Variants in MACROD2 observed in about 807,000 individuals in gnomAD.
MACROD2 encodes mono-ADP ribosylhydrolase 2, also known as ADP-ribose glycohydrolase MACROD2.
MACROD2 carries 36 observed loss-of-function variants against 70.4 expected under a neutral mutation model. The observed-to-expected ratio is 0.51, with a 90% CI of 0.39 to 0.68. The LOEUF (loss-of-function observed/expected upper bound fraction) is 0.68. Among genes scored for constraint, MACROD2 ranks in the 30% least tolerant of loss-of-function variants. MACROD2 has a pLI of 0.00. For missense variants in MACROD2, 496 were observed against 538.4 expected, an observed-to-expected ratio of 0.92 and a Z score of 0.78; for synonymous variants, 172 against 178.8, an observed-to-expected ratio of 0.96 and a Z score of 0.30.
At chr20:14,372,010 G>A (rs921493084) in intron 3 of MACROD2, among the ~76,000 whole-genome samples, 1 of 151,906 alleles carries the variant, frequency 6.6e-6, no homozygotes, top group Non-Finnish European at 1.5e-5. Flanking sequence ...TGACTTCTTT[G>A]TGATTATTTG....
intron 5 of MACROD2, among the ~76,000 whole-genome samples, chr20:14,828,895 T>G (rs751641493): frequency 1.4e-4 from 22 of 151,934 alleles, no homozygotes; most frequent in Non-Finnish European, 2.5e-4. Flanking sequence ...TTTCCACTTC[T>G]CTTCCCCTTT....
intron 3 of MACROD2, among the ~76,000 whole-genome samples, chr20:14,444,019 T>C (rs565362331): frequency 2.2e-4 from 33 of 152,308 alleles, no homozygotes; most frequent in East Asian, 1.7e-3. Context: ...TTAAGTAATT[T>C]AGTTAAAACC....
intron 2 of MACROD2, among the ~76,000 whole-genome samples, chr20:14,024,856 G>A (rs550172114): frequency 7.9e-5 from 12 of 152,232 alleles, no homozygotes; most frequent in African/African-American, 2.4e-4. Flanking sequence ...TCTCTGCCAG[G>A]TTTTGGTATC....
chr20:14,553,143 CTTATT>C (rs1183318274), intron 4 of MACROD2, among the ~76,000 whole-genome samples: 2 of 151,380 alleles, frequency 1.3e-5, no homozygotes, highest in Non-Finnish European at 2.9e-5. Context: ...TCTTTATATC[CTTATT>C]TTATAAGCTT....
chr20:15,591,431 C>G (rs1430938728), intron 8 of MACROD2, among the ~76,000 whole-genome samples: 1 of 152,032 alleles, frequency 6.6e-6, no homozygotes, highest in Non-Finnish European at 1.5e-5. Context: ...ATGACAAGAA[C>G]CTGACATGAC....
At chr20:14,371,933 C>CG (rs1273944219) in intron 3 of MACROD2, among the ~76,000 whole-genome samples, 2 of 151,924 alleles carry the variant, frequency 1.3e-5, no homozygotes, top group African/African-American at 2.4e-5. Flanking sequence ...TTAGCTCCCC[C>CG]CAACCCCTCT....
intron 8 of MACROD2, among the ~76,000 whole-genome samples, chr20:15,615,768 C>G (rs1411802782): frequency 2.0e-5 from 3 of 152,130 alleles, no homozygotes; most frequent in Non-Finnish European, 4.4e-5. Flanking sequence ...TGCCAGATGA[C>G]AGTTGCAAAA....
At chr20:15,270,960 G>A (rs762685638) in intron 6 of MACROD2, among the ~76,000 whole-genome samples, 1 of 152,008 alleles carries the variant, frequency 6.6e-6, no homozygotes, top group African/African-American at 2.4e-5. Context: ...TTTCACTACT[G>A]TGTCTTACAA....
intron 6 of MACROD2, among the ~76,000 whole-genome samples, chr20:15,266,793 C>T (rs369352259): frequency 2.0e-5 from 3 of 152,178 alleles, no homozygotes; most frequent in Admixed American, 2.0e-4. Flanking sequence ...CCACTTTTGT[C>T]CCCATCCTCT....
intron 8 of MACROD2, among the ~76,000 whole-genome samples, chr20:15,732,319 C>T (rs2050956282): frequency 6.6e-6 from 1 of 152,158 alleles, no homozygotes; most frequent in Middle Eastern, 3.2e-3. Flanking sequence ...CATTTCCTGG[C>T]ATCTTCCCAG....
At chr20:15,720,987 T>C (rs1568992402) in intron 8 of MACROD2, among the ~76,000 whole-genome samples, 1 of 152,198 alleles carries the variant, frequency 6.6e-6, no homozygotes, top group Non-Finnish European at 1.5e-5. Flanking sequence ...CACTGAACTT[T>C]GGTCAGATAT....
chr20:14,226,008 A>G (rs541017213), intron 3 of MACROD2, among the ~76,000 whole-genome samples: 1 of 152,226 alleles, frequency 6.6e-6, no homozygotes, highest in South Asian at 2.1e-4. Context: ...GTGAGAGGGA[A>G]GTTGGTAGAA....
At chr20:14,071,880 G>C (rs7265848) in intron 2 of MACROD2, among the ~76,000 whole-genome samples, 7 of 151,794 alleles carry the variant, frequency 4.6e-5, no homozygotes, top group African/African-American at 1.7e-4. Context: ...GACCAGCCTG[G>C]GCAACTTAGT....
chr20:14,749,813 G>A (rs1284890364), intron 5 of MACROD2, among the ~76,000 whole-genome samples: 1 of 152,096 alleles, frequency 6.6e-6, no homozygotes, highest in Non-Finnish European at 1.5e-5. Context: ...ATAGAAAGTG[G>A]TACCTTGGGG....
chr20:15,943,680 A>G (rs2065781488), intron 12 of MACROD2, among the ~76,000 whole-genome samples: 1 of 152,102 alleles, frequency 6.6e-6, no homozygotes, highest in Non-Finnish European at 1.5e-5. Context: ...AGAAGGAGAG[A>G]GGAAAAGGGT....
rs557947294 is a variant in MACROD2, at chr20:14,692,439, T to C, written c.418+7480T>C. The stretch of plus-strand genomic sequence containing the variant: ...TTGTTTATTTGTTTATTACCTGTCT[T>C]TTTAGACAAAATAACATTTTAAGAA... On this transcript the variant is annotated intron_variant, in intron 5 of 17. Transcript: ENST00000684519. 3.9e-5 allele frequency among the ~76,000 whole-genome samples: 6 copies of C among 152,312 alleles called. No homozygotes were observed. In the East Asian group the frequency reaches 1.2e-3, roughly 29 times the overall value.
rs1266563023 is a variant in MACROD2, at chr20:16,041,213, A to T, written c.1166A>T (p.Asp389Val). Residue 389 changes from aspartate to valine, a missense_variant, in exon 16 of 18, where the codon GAC becomes GTC. Physicochemically the swap from Asp to Val is radical, Grantham distance 152. Coordinates refer to ENST00000684519, the MANE Select transcript of MACROD2 (RefSeq NM_001351661.2). ...EKEGEKAPGE[D>V]TPRMPGKSEG... ...TTTTCTCTTCCAGCTCCAGGCGAGG[A>T]CACACCTAGGATGCCTGGGAAAAGT... The T allele has an allele frequency of 1.2e-6, 2 of 1,611,650 alleles. No homozygotes were observed. The highest frequency in any genetic ancestry group is 2.7e-5 in the African/African-American group (2 of 74,708).
At chr20:15,717,587 G>A (rs1316546898) in intron 8 of MACROD2, among the ~76,000 whole-genome samples, 2 of 152,196 alleles carry the variant, frequency 1.3e-5, no homozygotes, top group Admixed American at 6.5e-5. Context: ...GGATGTGAGC[G>A]TGCAGCCCTA....
chr20:14,062,156 TA>T (rs2053698365), intron 2 of MACROD2, among the ~76,000 whole-genome samples: 1 of 152,178 alleles, frequency 6.6e-6, no homozygotes, highest in Non-Finnish European at 1.5e-5. Flanking sequence ...TATTGTTCAC[TA>T]AAATATTTTA....
Sources: gnomAD v4.1 joint callset for allele counts (sites outside exome capture counted in the v4.1 genomes callset) on GRCh38, gnomAD v4.1.1 for gene constraint, MANE v1.5 for transcripts, NCBI Gene and HGNC (gene_info 2026-07-23, HGNC 2026-07-21) for gene names.